JAKMIP2: variants seen among roughly 807,000 people sequenced by gnomAD.
JAKMIP2 encodes the protein janus kinase and microtubule-interacting protein 2.
In JAKMIP2, 25 loss-of-function variants were observed where a neutral mutation model predicts 115.0. That is an observed-to-expected ratio of 0.22 (90% CI 0.16 to 0.30). The LOEUF is 0.30. Ranked by LOEUF, JAKMIP2 falls within the 10% of genes least tolerant of loss-of-function variation. The pLI is 1.00. For missense variants in JAKMIP2, 642 were observed against 957.6 expected (o/e 0.67, Z 4.35); for synonymous variants, 334 against 343.6 (o/e 0.97, Z 0.31).
chr5:147,633,972 G>A (rs565249217), intron 12 of JAKMIP2, among the ~76,000 whole-genome samples: 3 of 152,172 alleles, frequency 2.0e-5, no homozygotes, highest in Non-Finnish European at 4.4e-5. Flanking sequence ...TTACAGGCGT[G>A]AGCCATTGTG....
intron 3 of JAKMIP2, among the ~76,000 whole-genome samples, chr5:147,654,689 C>G (rs192697369): frequency 1.4e-4 from 21 of 152,254 alleles, no homozygotes; most frequent in African/African-American, 4.8e-4. Flanking sequence ...CTCTTCCTAT[C>G]TGAATACGCT....
At chr5:147,723,791 C>G (rs914775830) in intron 1 of JAKMIP2, among the ~76,000 whole-genome samples, 1 of 152,158 alleles carries the variant, frequency 6.6e-6, no homozygotes, top group Non-Finnish European at 1.5e-5. Flanking sequence ...TATCCACCAG[C>G]CATGGCTGTC....
intron 1 of JAKMIP2, among the ~76,000 whole-genome samples, chr5:147,755,559 A>T (rs1486231471): frequency 6.6e-6 from 1 of 152,218 alleles, no homozygotes; most frequent in Non-Finnish European, 1.5e-5. Context: ...ATAACGTTTA[A>T]TTTGATGTTA....
chr5:147,633,893 T>C (rs958108552), intron 12 of JAKMIP2, among the ~76,000 whole-genome samples: 3 of 152,110 alleles, frequency 2.0e-5, no homozygotes, highest in Admixed American at 2.0e-4. Context: ...TTTCACCACG[T>C]TGGCCAGGCT....
chr5:147,640,586 T>G, intron 9 of JAKMIP2, 118 bp downstream of exon 9: 505 of 1,015,968 alleles, frequency 5.0e-4, no homozygotes, highest in Non-Finnish European at 6.6e-4. Flanking sequence ...TTTACTATTA[T>G]GAGATCACTT....
chr5:147,751,673 G>C (rs769824323), intron 1 of JAKMIP2, among the ~76,000 whole-genome samples: 1 of 152,008 alleles, frequency 6.6e-6, no homozygotes, highest in Non-Finnish European at 1.5e-5. Context: ...AATAACACAG[G>C]CTCTTTGTTA....
intron 20 of JAKMIP2, 57 bp from the exon 21 acceptor site, chr5:147,601,868 G>C: frequency 3.8e-6 from 3 of 792,634 alleles, no homozygotes. Context: ...TGCCATTCAG[G>C]TAGTACAAAA....
At chr5:147,730,372 A>G (rs1753681524) in intron 1 of JAKMIP2, among the ~76,000 whole-genome samples, 1 of 151,914 alleles carries the variant, frequency 6.6e-6, no homozygotes, top group Non-Finnish European at 1.5e-5. Context: ...CACCCTCAAC[A>G]TCTGATCACC....
chr5:147,609,086 G>A (rs571332319), intron 20 of JAKMIP2, among the ~76,000 whole-genome samples: 7 of 151,864 alleles, frequency 4.6e-5, no homozygotes, highest in Non-Finnish European at 8.8e-5. Context: ...CATGAGATGG[G>A]TCTCCTGAAT....
intron 1 of JAKMIP2, among the ~76,000 whole-genome samples, chr5:147,751,247 T>G (rs796375493): frequency 1.6e-4 from 22 of 138,980 alleles, no homozygotes; most frequent in African/African-American, 6.1e-4. Context: ...AAGTTGTTTT[T>G]TTGTTGTTGT....
intron 1 of JAKMIP2, among the ~76,000 whole-genome samples, chr5:147,682,092 T>C (rs138830157): frequency 1.3e-5 from 2 of 149,266 alleles, no homozygotes; most frequent in Admixed American, 6.7e-5. Context: ...CTAAGATCTG[T>C]AAAATAAGAA....
chr5:147,604,548 C>T (rs1056828165), intron 20 of JAKMIP2, among the ~76,000 whole-genome samples: 1 of 152,086 alleles, frequency 6.6e-6, no homozygotes, highest in African/African-American at 2.4e-5. Context: ...CCTTTAACCT[C>T]ACATATATGG....
intron 1 of JAKMIP2, among the ~76,000 whole-genome samples, chr5:147,705,249 G>A (rs1477156924): frequency 1.3e-5 from 2 of 152,052 alleles, no homozygotes; most frequent in East Asian, 3.9e-4. Context: ...TGGATTATTG[G>A]AGCCAGGAAG....
At chr5:147,601,712 C>T in intron 21 of JAKMIP2, 29 bp downstream of exon 21, 1 of 1,474,934 alleles carries the variant, frequency 6.8e-7, no homozygotes, top group Non-Finnish European at 9.1e-7. Flanking sequence ...CTCTTAGAAC[C>T]ACATTTTGAG....
chr5:147,776,843 A>G lies in JAKMIP2; in HGVS notation c.-149+5613T>C, dbSNP rs557313870. Among the ~76,000 whole-genome samples, 479 of 152,246 alleles carry G rather than the reference A, an allele frequency of 3.1e-3. 2 individuals are homozygous for G. The highest frequency in any genetic ancestry group is 0.011 in the African/African-American group (449 of 41,548). ...CTCAGGAGACTAAGGCACAAGAATC[A>G]CTTGAATCCAGCAGGGGGAGGTTGC... On this transcript the variant is annotated intron_variant, in intron 1 of 21. Coordinates refer to ENST00000616793, the MANE Select transcript of JAKMIP2 (RefSeq NM_001270941.2).
At chr5:147,648,634 T>C (rs1758248355) in intron 4 of JAKMIP2, among the ~76,000 whole-genome samples, 160 bp from the exon 5 acceptor site, 1 of 152,184 alleles carries the variant, frequency 6.6e-6, no homozygotes, top group Admixed American at 6.5e-5. Context: ...TATTTACCCT[T>C]TTATAACTCT....
chr5:147,612,080 A>T, intron 20 of JAKMIP2: 3 of 696,116 alleles, frequency 4.3e-6, no homozygotes, highest in Non-Finnish European at 8.0e-6. Flanking sequence ...CACAGAAAAA[A>T]TAGGAAAGCA....
At chr5:147,713,152 C>T (rs544587231) in intron 1 of JAKMIP2, among the ~76,000 whole-genome samples, 30 of 152,138 alleles carry the variant, frequency 2.0e-4, no homozygotes, top group African/African-American at 6.5e-4. Flanking sequence ...TGGAGCTAGA[C>T]CAGATTTTTT....
intron 7 of JAKMIP2, among the ~76,000 whole-genome samples, chr5:147,643,088 G>A (rs183369941): frequency 2.0e-5 from 3 of 152,074 alleles, no homozygotes; most frequent in East Asian, 3.9e-4. Flanking sequence ...CTCACCTTGC[G>A]ATCGTGTGTG....
Sources: allele counts gnomAD v4.1 joint callset (sites outside exome capture counted in the v4.1 genomes callset), GRCh38; gene constraint gnomAD v4.1.1; transcripts MANE v1.5; gene names NCBI Gene and HGNC (gene_info 2026-07-23, HGNC 2026-07-21).